Variants in RTL4 observed in about 807,000 individuals in gnomAD.
RTL4 encodes retrotransposon Gag-like protein 4.
In RTL4, 4 loss-of-function variants were observed where a neutral mutation model predicts 5.3. The ratio of observed to expected loss-of-function variants is 0.75; its 90% CI spans 0.37 to 1.72. RTL4 has a LOEUF of 1.72. Among genes scored for constraint, RTL4 ranks in the 40% most tolerant of loss-of-function variants. RTL4 has a pLI of 0.04. For synonymous variants in RTL4, 98 were observed against 87.3 expected, an observed-to-expected ratio of 1.12 and a Z score of -0.68; for missense variants, 260 against 227.1, an observed-to-expected ratio of 1.14 and a Z score of -0.93.
the RTL4 span, among the ~76,000 whole-genome samples, chrX:112,397,901 A>G: frequency 2.7e-5 from 3 of 111,503 alleles, no homozygotes; most frequent in Non-Finnish European, 3.8e-5. Flanking sequence ...ATTCCTTGGG[A>G]TTTTTTACCT....
the RTL4 span, among the ~76,000 whole-genome samples, chrX:112,166,487 A>G: frequency 8.9e-6 from 1 of 111,843 alleles, no homozygotes; most frequent in Non-Finnish European, 1.9e-5. Context: ...GGAGATCCCA[A>G]CTATCAATGA....
the RTL4 span, among the ~76,000 whole-genome samples, chrX:112,285,879 C>G: frequency 9.0e-6 from 1 of 111,611 alleles, no homozygotes; most frequent in Non-Finnish European, 1.9e-5. Flanking sequence ...TTCACCCATG[C>G]CTGCTCCTAC....
chrX:112,096,980 CTTAGAGA>C, the RTL4 span, among the ~76,000 whole-genome samples: 1 of 112,103 alleles, frequency 8.9e-6, no homozygotes, highest in Admixed American at 9.4e-5. Context: ...TAGAAGAAGG[CTTAGAGA>C]TTAAAGTGTG....
the RTL4 span, among the ~76,000 whole-genome samples, chrX:112,121,006 G>A: frequency 9.0e-6 from 1 of 111,188 alleles, no homozygotes; most frequent in Non-Finnish European, 1.9e-5. Flanking sequence ...GTTGGGAGGA[G>A]GGATAGGATC....
chrX:112,160,303 A>G, the RTL4 span, among the ~76,000 whole-genome samples: 192 of 112,035 alleles, frequency 1.7e-3, 5 homozygotes, highest in Admixed American at 0.014. Context: ...TTGAGCCTTC[A>G]AGGAACTCAC....
chrX:112,087,750 T>C, the RTL4 span, among the ~76,000 whole-genome samples: 2 of 111,465 alleles, frequency 1.8e-5, no homozygotes, highest in Admixed American at 1.9e-4. Context: ...TTTGCTTATC[T>C]GTAAGCTGGG....
chrX:112,354,870 C>T, the RTL4 span, among the ~76,000 whole-genome samples: 1 of 111,202 alleles, frequency 9.0e-6, no homozygotes, highest in Non-Finnish European at 1.9e-5. Context: ...GGTTTTTGCT[C>T]AGAATTGTAA....
At chrX:112,399,167 T>A in the RTL4 span, among the ~76,000 whole-genome samples, 6 of 112,101 alleles carry the variant, frequency 5.4e-5, no homozygotes, top group Non-Finnish European at 1.1e-4. Flanking sequence ...TCATTTCTGA[T>A]ATTGATTGTG....
chrX:112,329,384 T>C, the RTL4 span, among the ~76,000 whole-genome samples: 1 of 111,577 alleles, frequency 9.0e-6, no homozygotes, highest in African/African-American at 3.3e-5. Context: ...CAAATACCTC[T>C]ACGCAAATAA....
At chrX:112,219,033 C>A in the RTL4 span, among the ~76,000 whole-genome samples, 2 of 112,065 alleles carry the variant, frequency 1.8e-5, no homozygotes, top group East Asian at 5.7e-4. Flanking sequence ...ATAGACCCAT[C>A]TAGCAAATAA....
At chrX:112,136,488 G>A in the RTL4 span, among the ~76,000 whole-genome samples, 1 of 111,720 alleles carries the variant, frequency 9.0e-6, no homozygotes, top group African/African-American at 3.2e-5. Context: ...CCAAGGAAGT[G>A]GAAGACTTGT....
chrX:112,269,463 T>TA, the RTL4 span, among the ~76,000 whole-genome samples: 18 of 110,584 alleles, frequency 1.6e-4, no homozygotes, highest in South Asian at 7.6e-4. Context: ...GGTATCAGGG[T>TA]AAAAAAAAGA....
the RTL4 span, among the ~76,000 whole-genome samples, chrX:112,362,909 C>G: frequency 8.1e-5 from 9 of 110,827 alleles, no homozygotes; most frequent in African/African-American, 2.9e-4. Context: ...AGACCCTGCC[C>G]CTAACATGCA....
At chrX:112,451,227 T>C (rs1442953364), upstream of RTL4, among the ~76,000 whole-genome samples, 1 of 112,130 alleles carries the variant, frequency 8.9e-6, no homozygotes, top group African/African-American at 3.2e-5. Context: ...GACTCACACC[T>C]GTAATCCCAG....
the RTL4 span, among the ~76,000 whole-genome samples, chrX:112,211,477 A>G: frequency 1.8e-5 from 2 of 112,248 alleles, no homozygotes; most frequent in Non-Finnish European, 3.8e-5. Flanking sequence ...CTAGAATTGG[A>G]CCATGAGCGT....
the RTL4 span, among the ~76,000 whole-genome samples, chrX:112,279,079 A>C: frequency 9.0e-6 from 1 of 110,971 alleles, no homozygotes; most frequent in Non-Finnish European, 1.9e-5. Flanking sequence ...AGAAAACTGA[A>C]GGACTAATTA....
chrX:112,346,676 A>C, the RTL4 span, among the ~76,000 whole-genome samples: 1 of 111,276 alleles, frequency 9.0e-6, no homozygotes, highest in Non-Finnish European at 1.9e-5. Context: ...AATACTTCGG[A>C]TGTGTGTAAA....
the RTL4 span, among the ~76,000 whole-genome samples, chrX:112,132,170 T>G: frequency 9.0e-6 from 1 of 111,637 alleles, no homozygotes. Context: ...TGGCATCATA[T>G]AAACATACCA....
chrX:112,413,773 G>A, the RTL4 span, among the ~76,000 whole-genome samples: 1 of 110,653 alleles, frequency 9.0e-6, no homozygotes, highest in Non-Finnish European at 1.9e-5. Context: ...CTAAGATCTA[G>A]TGTTTGGTAG....
Sources: gnomAD v4.1 joint callset for allele counts (sites outside exome capture counted in the v4.1 genomes callset) on GRCh38, gnomAD v4.1.1 for gene constraint, MANE v1.5 for transcripts, NCBI Gene and HGNC (gene_info 2026-07-23, HGNC 2026-07-21) for gene names.